The following CNTN4 variants were observed in gnomAD, a reference collection of about 807,000 sequenced individuals.
The protein encoded by CNTN4 is contactin-4.
CNTN4 carries 77 observed loss-of-function variants against 122.5 expected under a neutral mutation model. That is an observed-to-expected ratio of 0.63 (90% CI 0.52 to 0.76). The LOEUF (loss-of-function observed/expected upper bound fraction) is 0.76, where lower values mean the gene tolerates loss of function less well. CNTN4 is among the 30% of genes least tolerant of loss of function. CNTN4 has a pLI of 0.00. For synonymous variants in CNTN4, 512 were observed against 447.0 expected (o/e 1.15, Z -1.83); for missense variants, 1,256 against 1,259.1 (o/e 1.00, Z 0.04).
chr3:3,035,797 A>G (rs60188858), intron 17 of CNTN4, among the ~76,000 whole-genome samples: 2,892 of 152,230 alleles, frequency 0.019, 90 homozygotes, highest in African/African-American at 0.067. Flanking sequence ...CGCTCAAGCA[A>G]TTCTCCATCA....
chr3:2,411,037 A>C lies in CNTN4; in HGVS notation c.-89+71804A>C, dbSNP rs80054711. Among the ~76,000 whole-genome samples the C allele has an allele frequency of 8.3e-3, 1,264 of 152,356 alleles. 18 individuals carry two copies. Among genetic ancestry groups the C allele is most frequent in the African/African-American group, 0.029 (1,206 of 41,586 alleles). On this transcript the variant is annotated intron_variant, in intron 3 of 24. Coordinates refer to ENST00000418658, the MANE Select transcript of CNTN4 (RefSeq NM_175607.3). Reference sequence around the variant, plus strand: ...TTTCAACTGTACTTTACATATAAAAAGATGGTGTTAATACACTCTCTTCTG... The same window carrying C: ...TTTCAACTGTACTTTACATATAAAACGATGGTGTTAATACACTCTCTTCTG...
intron 13 of CNTN4, among the ~76,000 whole-genome samples, chr3:2,962,431 A>G (rs766638885): frequency 1.3e-5 from 2 of 152,244 alleles, no homozygotes; most frequent in Non-Finnish European, 2.9e-5. Context: ...CAGTTAACCA[A>G]AATAACTCTA....
chr3:2,275,228 GC>G (rs1302775212), intron 2 of CNTN4, among the ~76,000 whole-genome samples: 1 of 152,170 alleles, frequency 6.6e-6, no homozygotes, highest in East Asian at 1.9e-4. Flanking sequence ...CTGTGCAGTT[GC>G]CACAGTGAGC....
chr3:2,705,043 A>G (rs2086574971), intron 4 of CNTN4, among the ~76,000 whole-genome samples: 1 of 151,766 alleles, frequency 6.6e-6, no homozygotes, highest in Non-Finnish European at 1.5e-5. Context: ...GTGTATATAT[A>G]TATATTTATT....
At chr3:2,587,549 A>G (rs1265949939) in intron 4 of CNTN4, among the ~76,000 whole-genome samples, 20 of 152,206 alleles carry the variant, frequency 1.3e-4, no homozygotes, top group Non-Finnish European at 5.9e-5. Flanking sequence ...TGATATTTAC[A>G]TGAAAACTTT....
intron 13 of CNTN4, among the ~76,000 whole-genome samples, chr3:2,947,008 C>A (rs1178995861): frequency 6.6e-6 from 1 of 152,084 alleles, no homozygotes; most frequent in Non-Finnish European, 1.5e-5. Flanking sequence ...CCCTGGCCAG[C>A]CTGCATTTCT....
At chr3:2,580,994 C>G (rs1041638363) in intron 4 of CNTN4, among the ~76,000 whole-genome samples, 3 of 152,150 alleles carry the variant, frequency 2.0e-5, no homozygotes, top group Non-Finnish European at 4.4e-5. Flanking sequence ...AAATTGAGTA[C>G]CTGTCTTCAT....
intron 2 of CNTN4, among the ~76,000 whole-genome samples, chr3:2,306,890 G>GA (rs1313385042): frequency 7.4e-6 from 1 of 134,266 alleles, no homozygotes; most frequent in African/African-American, 3.3e-5. Context: ...TATTTTAAAT[G>GA]AAATTTTTTT....
At position 2,745,694 on chromosome 3, in the gene CNTN4, G is replaced by T. The variant is rs192993533; in HGVS notation, c.355G>T (p.Ala119Ser). 10 of 1,613,972 alleles carry T rather than the reference G, an allele frequency of 6.2e-6. No homozygotes were observed. In the East Asian group the frequency reaches 1.1e-4, roughly 18 times the overall value. ...IVSREAKLQF[A>S]YLDNFKTRTR... Reference sequence around the variant, plus strand: ...TAGCAGAGAAGCAAAGCTTCAGTTTGCTTGTAAGTAGCAATTATACAATGC... The same window carrying T: ...TAGCAGAGAAGCAAAGCTTCAGTTTTCTTGTAAGTAGCAATTATACAATGC... Residue 119 changes from alanine to serine, a missense_variant, in exon 6 of 25, where the codon GCT becomes TCT. Transcript: ENST00000418658.
At chr3:2,214,545 TGAA>T (rs2038756757) in intron 2 of CNTN4, among the ~76,000 whole-genome samples, 1 of 152,154 alleles carries the variant, frequency 6.6e-6, no homozygotes, top group African/African-American at 2.4e-5. Context: ...TTTCTCAGAT[TGAA>T]GGAGAGGAAA....
intron 13 of CNTN4, among the ~76,000 whole-genome samples, chr3:2,973,074 C>T (rs918320294): frequency 2.0e-5 from 3 of 152,006 alleles, no homozygotes; most frequent in Non-Finnish European, 4.4e-5. Flanking sequence ...ATTACCTGTG[C>T]GACTTCACAG....
chr3:2,528,024 C>T (rs1322222669), intron 3 of CNTN4, among the ~76,000 whole-genome samples: 1 of 152,216 alleles, frequency 6.6e-6, no homozygotes, highest in African/African-American at 2.4e-5. Context: ...TGTGTTCTTT[C>T]TAAAACAATC....
chr3:2,563,074 T>C (rs972155310), intron 3 of CNTN4, among the ~76,000 whole-genome samples: 3 of 152,126 alleles, frequency 2.0e-5, no homozygotes, highest in Non-Finnish European at 4.4e-5. Flanking sequence ...AATTTCTGGG[T>C]CAAATGGTAG....
At chr3:2,866,688 C>A in intron 7 of CNTN4, 64 bp from the exon 8 acceptor site, 1 of 1,457,398 alleles carries the variant, frequency 6.9e-7, no homozygotes, top group South Asian at 1.1e-5. Flanking sequence ...TCATTTCTTT[C>A]ATGAAAACAG....
chr3:2,778,238 AAAT>A (rs1381780018), intron 6 of CNTN4, among the ~76,000 whole-genome samples: 6 of 135,970 alleles, frequency 4.4e-5, no homozygotes, highest in African/African-American at 1.0e-4. Context: ...ATAAATAAAT[AAAT>A]AAATAAATAA....
At chr3:2,435,473 C>G (rs774981897) in intron 3 of CNTN4, among the ~76,000 whole-genome samples, 1 of 152,090 alleles carries the variant, frequency 6.6e-6, no homozygotes, top group African/African-American at 2.4e-5. Flanking sequence ...AACCATCCAA[C>G]TTTTTCCAAA....
chr3:2,279,164 A>G (rs1167867236), intron 2 of CNTN4, among the ~76,000 whole-genome samples: 2 of 152,192 alleles, frequency 1.3e-5, no homozygotes, highest in Non-Finnish European at 2.9e-5. Context: ...ATCCAAATAA[A>G]TAAAATTATT....
intron 12 of CNTN4, among the ~76,000 whole-genome samples, chr3:2,907,016 A>G (rs913594702): frequency 1.5e-4 from 23 of 152,180 alleles, no homozygotes; most frequent in African/African-American, 4.8e-4. Flanking sequence ...GCAGTTAAAG[A>G]TTGAGTGTGT....
chr3:2,501,999 C>T (rs868303340), intron 3 of CNTN4, among the ~76,000 whole-genome samples: 5 of 152,064 alleles, frequency 3.3e-5, no homozygotes, highest in South Asian at 4.1e-4. Context: ...GTATAAAGTA[C>T]ATATAAAACA....
Sources: gnomAD v4.1 joint callset for allele counts (sites outside exome capture counted in the v4.1 genomes callset) on GRCh38, gnomAD v4.1.1 for gene constraint, MANE v1.5 for transcripts, NCBI Gene and HGNC (gene_info 2026-07-23, HGNC 2026-07-21) for gene names.